Variants in ADAMTS12 observed in about 807,000 individuals in gnomAD.
ADAMTS12 encodes the protein ADAM metallopeptidase with thrombospondin type 1 motif 12, also known as A disintegrin and metalloproteinase with thrombospondin motifs 12.
ADAMTS12 carries 118 observed loss-of-function variants against 167.8 expected under a neutral mutation model. That is an observed-to-expected ratio of 0.70 (90% CI 0.61 to 0.82). ADAMTS12 has a LOEUF of 0.82. Ranked by LOEUF, ADAMTS12 falls within the 40% of genes least tolerant of loss-of-function variation. The pLI is 0.00. For missense variants in ADAMTS12, 1,916 were observed against 1,998.8 expected (o/e 0.96, Z 0.79); for synonymous variants, 704 against 716.9 (o/e 0.98, Z 0.29).
chr5:33,835,424 C>G (rs967865787), intron 2 of ADAMTS12, among the ~76,000 whole-genome samples: 4 of 152,166 alleles, frequency 2.6e-5, no homozygotes, highest in Non-Finnish European at 5.9e-5. Context: ...ATCCAGGCTG[C>G]TATAGGAAAA....
At chr5:33,887,814 G>A (rs143633022) in intron 1 of ADAMTS12, among the ~76,000 whole-genome samples, 57 of 151,490 alleles carry the variant, frequency 3.8e-4, no homozygotes, top group Admixed American at 1.2e-3. Context: ...TGATCTTGGC[G>A]GCCCACTGCA....
rs1453359962 is a variant in ADAMTS12 at position 33,615,842 on chromosome 5, A to T, written c.2374T>A (p.Ser792Thr). The T allele has an allele frequency of 6.2e-7, 1 of 1,614,028 alleles. No homozygotes were observed. The highest frequency in any genetic ancestry group is 1.7e-5 in the Admixed American group (1 of 60,008). ...KLMATGPTNE[S>T]VWIQLLFQVT... is the part of the protein sequence containing the mutation. Reference sequence around the variant, plus strand: ...TTCTGCATTACCTGGATCCACACAGACTCATTGGTGGGACCTGTGGCCATC... The same window carrying T: ...TTCTGCATTACCTGGATCCACACAGTCTCATTGGTGGGACCTGTGGCCATC... Residue 792 changes from serine to threonine, a missense_variant, in exon 15 of 24, where the codon TCT becomes ACT. By Grantham distance (58) the Ser-to-Thr change is moderately conservative (BLOSUM62 1). Coordinates refer to ENST00000504830, the MANE Select transcript of ADAMTS12 (RefSeq NM_030955.4).
chr5:33,816,075 T>C (rs1747640973), intron 2 of ADAMTS12, among the ~76,000 whole-genome samples: 1 of 152,204 alleles, frequency 6.6e-6, no homozygotes, highest in African/African-American at 2.4e-5. Context: ...AGCAAGTCAG[T>C]GGGCCTCCCT....
At chr5:33,852,849 G>A (rs1447015257) in intron 2 of ADAMTS12, among the ~76,000 whole-genome samples, 1 of 152,160 alleles carries the variant, frequency 6.6e-6, no homozygotes, top group African/African-American at 2.4e-5. Context: ...CAAATAACAG[G>A]TATCATCAAT....
chr5:33,555,717 A>G (rs1472552821), intron 20 of ADAMTS12, among the ~76,000 whole-genome samples: 4 of 152,236 alleles, frequency 2.6e-5, no homozygotes, highest in Non-Finnish European at 5.9e-5. Flanking sequence ...TTTTGTGATC[A>G]AGTATATATT....
At chr5:33,784,822 C>T (rs1440276745) in intron 2 of ADAMTS12, among the ~76,000 whole-genome samples, 3 of 151,930 alleles carry the variant, frequency 2.0e-5, no homozygotes, top group Non-Finnish European at 4.4e-5. Context: ...AATTAATAAG[C>T]TGATTCTAAC....
At chr5:33,572,060 T>A (rs1424874429) in intron 19 of ADAMTS12, among the ~76,000 whole-genome samples, 1 of 152,244 alleles carries the variant, frequency 6.6e-6, no homozygotes, top group East Asian at 1.9e-4. Context: ...AGAAGTTGAA[T>A]CTCTGAATAG....
chr5:33,858,248 A>C (rs1331619375), intron 2 of ADAMTS12, among the ~76,000 whole-genome samples: 1 of 152,258 alleles, frequency 6.6e-6, no homozygotes, highest in Non-Finnish European at 1.5e-5. Context: ...AAAAAGTCTC[A>C]AACAAATTAA....
At chr5:33,810,223 T>C (rs540946063) in intron 2 of ADAMTS12, among the ~76,000 whole-genome samples, 227 of 152,150 alleles carry the variant, frequency 1.5e-3, no homozygotes, top group African/African-American at 5.2e-3. Context: ...TGCTAGAAAA[T>C]AGGCCTGTAA....
intron 22 of ADAMTS12, 118 bp from the exon 23 acceptor site, chr5:33,535,110 C>G (rs909594908): frequency 5.5e-6 from 6 of 1,086,688 alleles, no homozygotes; most frequent in Non-Finnish European, 7.6e-6. Context: ...TAACCAGAAA[C>G]CTTTTTGGAG....
Position 33,755,557 on chromosome 5 carries a change from G to C in ADAMTS12, c.490-4009C>G, listed in dbSNP as rs149801997. Among the ~76,000 whole-genome samples the C allele has an allele frequency of 3.3e-5, 5 of 152,304 alleles. No homozygotes were observed. The East Asian group carries it at 9.7e-4, about 29-fold the overall frequency. ...AATTAGTGACAGTGATCTGGGGTTA[G>C]AGGGAAACTGACAGCATCTTATATG... On this transcript the variant is annotated intron_variant, in intron 2 of 23. Coordinates refer to ENST00000504830, the MANE Select transcript of ADAMTS12 (RefSeq NM_030955.4).
Position 33,891,806 on chromosome 5 carries a change from C to A in ADAMTS12, c.51G>T (p.Gln17His). 6.2e-7 allele frequency: 1 copy of A among 1,614,238 alleles called. No individual in the cohort carries two copies. The highest frequency in any genetic ancestry group is 8.5e-7 in the Non-Finnish European group (1 of 1,180,046). Residue 17 changes from glutamine to histidine, a missense_variant, in exon 1 of 24, where the codon CAG (glutamine) becomes CAT (histidine). Gln to His is a conservative substitution (Grantham distance 24). Transcript: ENST00000504830. ...SWLANLSVVA[Q>H]LLNFGALCYG... ...AGCAAAGCGCCCCAAAGTTAAGGAGCTGAGCCACCACGGAAAGGTTTGCAA... is the reference window on the plus strand; with the variant it reads ...AGCAAAGCGCCCCAAAGTTAAGGAGATGAGCCACCACGGAAAGGTTTGCAA...
At chr5:33,877,254 A>G (rs1245587320) in intron 2 of ADAMTS12, among the ~76,000 whole-genome samples, 1 of 152,276 alleles carries the variant, frequency 6.6e-6, no homozygotes, top group Non-Finnish European at 1.5e-5. Context: ...AATTAAAATT[A>G]TAAGTTTAAT....
chr5:33,710,540 A>C (rs1430402641), intron 3 of ADAMTS12, among the ~76,000 whole-genome samples: 1 of 152,188 alleles, frequency 6.6e-6, no homozygotes, highest in Admixed American at 6.6e-5. Flanking sequence ...TCATTGTACT[A>C]GAAATGGAGA....
intron 3 of ADAMTS12, among the ~76,000 whole-genome samples, chr5:33,729,081 T>C (rs1263356736): frequency 6.6e-6 from 1 of 152,258 alleles, no homozygotes; most frequent in African/African-American, 2.4e-5. Flanking sequence ...CTTGGTATGA[T>C]GATGACAGCA....
chr5:33,575,980 G>T, intron 19 of ADAMTS12, 74 bp downstream of exon 19: 3 of 1,523,624 alleles, frequency 2.0e-6, no homozygotes, highest in Non-Finnish European at 2.6e-6. Context: ...AACTCATTTT[G>T]AAATTTTCAC....
At position 33,546,199 on chromosome 5, in the gene ADAMTS12, A is replaced by T. The variant is rs1223217309; in HGVS notation, c.4306T>A (p.Ser1436Thr). The change falls in exon 22 of 24, where the codon TCC becomes ACC. Residue 1436 changes from serine (S) to threonine (T), a missense_variant. Transcript: ENST00000504830. ...AWQVEPWSQC[S>T]RSCGGGVQER... is the part of the protein sequence containing the mutation. ...TGAACTCCACCTCCACAGGACCTGG[A>T]GCACTGATACACAGCAGTGACAAGA... The T allele has an allele frequency of 6.2e-7, 1 of 1,611,844 alleles. No individual in the cohort carries two copies. Among genetic ancestry groups the T allele is most frequent in the Non-Finnish European group, 8.5e-7 (1 of 1,179,230 alleles).
intron 2 of ADAMTS12, among the ~76,000 whole-genome samples, chr5:33,778,046 A>G (rs1745980316): frequency 6.6e-6 from 1 of 152,142 alleles, no homozygotes; most frequent in Non-Finnish European, 1.5e-5. Context: ...ATGGAAAGAT[A>G]TCTCATGTTC....
intron 3 of ADAMTS12, among the ~76,000 whole-genome samples, chr5:33,726,534 T>C (rs1441492599): frequency 6.6e-6 from 1 of 152,230 alleles, no homozygotes; most frequent in African/African-American, 2.4e-5. Context: ...ACCTGTCTCA[T>C]GGTCAGAGGA....
Sources: gnomAD v4.1 joint callset for allele counts (sites outside exome capture counted in the v4.1 genomes callset) on GRCh38, gnomAD v4.1.1 for gene constraint, MANE v1.5 for transcripts, NCBI Gene and HGNC (gene_info 2026-07-23, HGNC 2026-07-21) for gene names.